CAST: variants seen among roughly 807,000 people sequenced by gnomAD.
CAST encodes calpastatin, also known as MIR583 host.
A neutral mutation model predicts 119.6 loss-of-function variants in CAST; 76 were observed. That is an observed-to-expected ratio of 0.64 (90% CI 0.53 to 0.77). The LOEUF (loss-of-function observed/expected upper bound fraction) is 0.77. Among genes scored for constraint, CAST ranks in the 30% least tolerant of loss-of-function variants. CAST has a pLI of 0.00. For synonymous variants in CAST, 319 were observed against 331.6 expected (o/e 0.96, Z 0.41); for missense variants, 953 against 946.5 (o/e 1.01, Z -0.09).
the CAST span, among the ~76,000 whole-genome samples, chr5:96,344,104 G>A: frequency 9.9e-5 from 15 of 152,278 alleles, no homozygotes; most frequent in African/African-American, 3.4e-4. Flanking sequence ...TGTCAGGCTG[G>A]CAGCTTTATG....
rs1762674673 is a variant in CAST, at chr5:96,741,561, A to G, written c.1079A>G (p.Lys360Arg). The G allele has an allele frequency of 6.2e-7, 1 of 1,612,846 alleles. No individual in the cohort carries two copies. Among genetic ancestry groups the G allele is most frequent in the Non-Finnish European group, 8.5e-7 (1 of 1,178,972 alleles). The change falls in exon 15 of 32, where the codon AAG becomes AGG. Residue 360 changes from lysine to arginine, a missense_variant. Transcript: ENST00000675179. ...AGAAGTGCTGCTCCACCCCAAGAGAAGAAAAGAAAGGTGGAGAAGGTATAG... is the reference window on the plus strand; with the variant it reads ...AGAAGTGCTGCTCCACCCCAAGAGAGGAAAAGAAAGGTGGAGAAGGTATAG... The part of the protein sequence containing the change: ...TVRSAAPPQE[K>R]KRKVEKDTMS...
the CAST span, among the ~76,000 whole-genome samples, chr5:96,434,480 G>C: frequency 6.6e-5 from 10 of 152,316 alleles, no homozygotes; most frequent in African/African-American, 1.4e-4. Flanking sequence ...TTGGCCGCAG[G>C]GGGGAGTGTG....
At chr5:96,558,744 C>T (rs1746295899) in intron 1 of CAST, among the ~76,000 whole-genome samples, 1 of 152,130 alleles carries the variant, frequency 6.6e-6, no homozygotes, top group Admixed American at 6.6e-5. Context: ...AAGTCCAGGA[C>T]CAGATGGATT....
chr5:95,967,877 A>G, the CAST span, among the ~76,000 whole-genome samples: 1 of 152,196 alleles, frequency 6.6e-6, no homozygotes, highest in Non-Finnish European at 1.5e-5. Flanking sequence ...GAAGTTTAAA[A>G]GCAATTTAGT....
the CAST span, among the ~76,000 whole-genome samples, chr5:96,095,652 C>T: frequency 1.3e-5 from 2 of 148,620 alleles, 1 homozygote; most frequent in South Asian, 4.3e-4. Flanking sequence ...CAACAATACT[C>T]CTCATTTTAA....
At chr5:96,023,350 C>A in the CAST span, among the ~76,000 whole-genome samples, 2 of 152,222 alleles carry the variant, frequency 1.3e-5, no homozygotes, top group East Asian at 3.9e-4. Flanking sequence ...GAAAATGATG[C>A]CCCTGGTTTC....
intron 1 of CAST, among the ~76,000 whole-genome samples, chr5:96,564,770 G>T (rs769606458): frequency 6.6e-6 from 1 of 152,164 alleles, no homozygotes; most frequent in Non-Finnish European, 1.5e-5. Flanking sequence ...AATTAGCCAG[G>T]CATGATGGCA....
At chr5:96,584,931 T>C (rs1355652842) in intron 1 of CAST, 1 of 152,150 alleles carries the variant, frequency 6.6e-6, no homozygotes, top group East Asian at 1.9e-4. Flanking sequence ...TTCCCTTTTC[T>C]CGAGTTTCCC....
At chr5:96,083,584 TAAA>T in the CAST span, among the ~76,000 whole-genome samples, 1 of 152,204 alleles carries the variant, frequency 6.6e-6, no homozygotes, top group African/African-American at 2.4e-5. Flanking sequence ...TTAGGCCAAT[TAAA>T]GAAGAAAGGC....
At chr5:96,371,674 T>A in the CAST span, among the ~76,000 whole-genome samples, 2 of 152,170 alleles carry the variant, frequency 1.3e-5, no homozygotes, top group African/African-American at 4.8e-5. Context: ...TATCATACCA[T>A]CTGGCACATA....
chr5:96,378,339 A>G, the CAST span, among the ~76,000 whole-genome samples: 1 of 152,144 alleles, frequency 6.6e-6, no homozygotes, highest in Non-Finnish European at 1.5e-5. Flanking sequence ...ACTGCACCAA[A>G]AAAGAGAAAA....
chr5:96,442,161 A>G, the CAST span, among the ~76,000 whole-genome samples: 4 of 152,190 alleles, frequency 2.6e-5, no homozygotes. Context: ...CTTATGTGGA[A>G]TAGTTTGATG....
chr5:96,366,229 A>G, the CAST span, among the ~76,000 whole-genome samples: 2 of 152,268 alleles, frequency 1.3e-5, no homozygotes, highest in African/African-American at 4.8e-5. Context: ...CTTTGTGGGT[A>G]ATCTGACCTT....
At chr5:96,349,505 A>G in the CAST span, among the ~76,000 whole-genome samples, 1 of 152,136 alleles carries the variant, frequency 6.6e-6, no homozygotes. Context: ...CAAGAGGCCT[A>G]ATTGTTATCA....
chr5:96,637,870 C>T (rs1747904305), intron 1 of CAST, among the ~76,000 whole-genome samples: 1 of 152,090 alleles, frequency 6.6e-6, no homozygotes, highest in East Asian at 1.9e-4. Flanking sequence ...AAAGATTGGC[C>T]TTAGATACTG....
At chr5:96,047,043 C>T in the CAST span, among the ~76,000 whole-genome samples, 196 of 152,282 alleles carry the variant, frequency 1.3e-3, no homozygotes, top group African/African-American at 4.6e-3. Context: ...CAAACCATAT[C>T]ACATCATTCC....
At chr5:96,167,716 A>G in the CAST span, among the ~76,000 whole-genome samples, 2 of 152,226 alleles carry the variant, frequency 1.3e-5, no homozygotes, top group Non-Finnish European at 2.9e-5. Flanking sequence ...ACAGAAGGGA[A>G]GAAATGACGG....
chr5:96,557,041 T>A (rs1746256557), intron 1 of CAST, among the ~76,000 whole-genome samples: 2 of 152,116 alleles, frequency 1.3e-5, no homozygotes. Flanking sequence ...CAGAAGACAG[T>A]GGCAGCCAAT....
the CAST span, among the ~76,000 whole-genome samples, chr5:95,970,986 C>T: frequency 1.3e-5 from 2 of 152,130 alleles, no homozygotes; most frequent in Non-Finnish European, 2.9e-5. Context: ...CCACATTTCT[C>T]AAAAACAACA....
Sources: gnomAD v4.1 joint callset for allele counts (sites outside exome capture counted in the v4.1 genomes callset) on GRCh38, gnomAD v4.1.1 for gene constraint, MANE v1.5 for transcripts, NCBI Gene and HGNC (gene_info 2026-07-23, HGNC 2026-07-21) for gene names.